Variants in PDE7B observed in about 807,000 individuals in gnomAD.
PDE7B encodes phosphodiesterase 7B.
Under a neutral mutation model 56.2 loss-of-function variants are expected in PDE7B, and 29 were observed. The ratio of observed to expected loss-of-function variants is 0.52; its 90% CI spans 0.38 to 0.70. The LOEUF (loss-of-function observed/expected upper bound fraction) is 0.70. PDE7B is among the 30% of genes least tolerant of loss of function. PDE7B has a pLI of 0.00. For missense variants in PDE7B, 490 were observed against 565.0 expected (o/e 0.87, Z 1.35); for synonymous variants, 197 against 196.9 (o/e 1.00, Z 0.00).
At chr6:136,057,816 G>A (rs1583856033) in intron 2 of PDE7B, among the ~76,000 whole-genome samples, 1 of 151,890 alleles carries the variant, frequency 6.6e-6, no homozygotes, top group South Asian at 2.1e-4. Flanking sequence ...AGCTCACGGC[G>A]ACCTCCACCT....
At chr6:135,947,968 C>G (rs1774621383) in intron 2 of PDE7B, among the ~76,000 whole-genome samples, 1 of 152,014 alleles carries the variant, frequency 6.6e-6, no homozygotes, top group African/African-American at 2.4e-5. Flanking sequence ...GAAGTCAGCA[C>G]AACTATTATC....
intron 2 of PDE7B, among the ~76,000 whole-genome samples, chr6:135,969,713 C>G (rs1260455413): frequency 6.6e-6 from 1 of 152,070 alleles, no homozygotes; most frequent in Non-Finnish European, 1.5e-5. Flanking sequence ...TAGGTACAGG[C>G]AAAGATTTCA....
At chr6:135,987,424 GGT>G (rs1392959509) in intron 2 of PDE7B, among the ~76,000 whole-genome samples, 4 of 152,042 alleles carry the variant, frequency 2.6e-5, no homozygotes, top group African/African-American at 9.7e-5. Context: ...CTGACTAGGG[GGT>G]TTCTCTCTAC....
chr6:135,924,964 C>T (rs578248446), intron 1 of PDE7B, among the ~76,000 whole-genome samples: 26 of 148,188 alleles, frequency 1.8e-4, no homozygotes, highest in African/African-American at 5.0e-4. Flanking sequence ...TTTATATCAA[C>T]GTCAGCACAC....
chr6:135,889,899 C>T (rs1055013524), intron 1 of PDE7B, among the ~76,000 whole-genome samples: 7 of 150,518 alleles, frequency 4.7e-5, no homozygotes, highest in Non-Finnish European at 1.0e-4. Context: ...ATTACAGGCA[C>T]CCACCACCAC....
At chr6:136,015,691 A>G (rs1394246906) in intron 2 of PDE7B, among the ~76,000 whole-genome samples, 1 of 152,128 alleles carries the variant, frequency 6.6e-6, no homozygotes, top group East Asian at 1.9e-4. Context: ...CAACCAGATA[A>G]ATATACATTC....
chr6:135,925,761 C>T (rs1774172716), intron 1 of PDE7B, among the ~76,000 whole-genome samples: 2 of 152,180 alleles, frequency 1.3e-5, no homozygotes, highest in African/African-American at 4.8e-5. Flanking sequence ...CTCTCCTATG[C>T]CACCCAAATA....
chr6:135,858,770 A>G (rs555046483), intron 1 of PDE7B, among the ~76,000 whole-genome samples: 19 of 152,316 alleles, frequency 1.2e-4, no homozygotes, highest in African/African-American at 3.8e-4. Flanking sequence ...AACATATTTT[A>G]CCATACATAT....
intron 2 of PDE7B, among the ~76,000 whole-genome samples, chr6:136,009,967 G>A (rs958136696): frequency 2.0e-5 from 3 of 152,174 alleles, no homozygotes; most frequent in East Asian, 1.9e-4. Context: ...CTCTGATTTC[G>A]ATTACTTGTC....
chr6:135,906,577 G>A (rs1776109142), intron 1 of PDE7B, among the ~76,000 whole-genome samples: 1 of 152,074 alleles, frequency 6.6e-6, no homozygotes, highest in Admixed American at 6.5e-5. Flanking sequence ...CCATATAAGA[G>A]GAAGACGCTA....
At chr6:136,098,883 G>A (rs370931849) in intron 2 of PDE7B, among the ~76,000 whole-genome samples, 6 of 151,816 alleles carry the variant, frequency 4.0e-5, no homozygotes, top group East Asian at 1.9e-4. Flanking sequence ...CCATTAACTC[G>A]TCATTTACAT....
intron 1 of PDE7B, among the ~76,000 whole-genome samples, chr6:135,871,753 TGTC>T (rs1030648306): frequency 2.0e-5 from 3 of 148,110 alleles, no homozygotes; most frequent in African/African-American, 7.6e-5. Context: ...CTTTCAATGT[TGTC>T]GTAAGGATAG....
rs1006749312 is a variant in PDE7B, at chr6:135,995,216, C to T, written c.82+47692C>T. Among the ~76,000 whole-genome samples, 9 of 151,386 alleles carry T rather than the reference C, an allele frequency of 5.9e-5. No individual in the cohort carries two copies. In the East Asian group the frequency reaches 9.7e-4, roughly 16 times the overall value. On this transcript the variant is annotated intron_variant, in intron 2 of 12. Coordinates refer to ENST00000308191, the MANE Select transcript of PDE7B (RefSeq NM_018945.4). ...AAACCTTAACCCTCCCCCGGCCCCA[C>T]GCTCCATACATATGTACCACCGCTA...
intron 3 of PDE7B, among the ~76,000 whole-genome samples, chr6:136,136,154 G>A (rs1322369831): frequency 2.0e-5 from 3 of 152,074 alleles, no homozygotes; most frequent in Non-Finnish European, 2.9e-5. Context: ...TGAAAGAGCT[G>A]TGCTGTAAAT....
chr6:136,085,394 C>T (rs757748018), intron 2 of PDE7B, among the ~76,000 whole-genome samples: 1 of 152,184 alleles, frequency 6.6e-6, no homozygotes, highest in African/African-American at 2.4e-5. Flanking sequence ...TGTGTCTTGA[C>T]TTTGCATCTT....
intron 1 of PDE7B, among the ~76,000 whole-genome samples, chr6:135,870,451 T>TGC (rs1460453957): frequency 6.6e-6 from 1 of 151,914 alleles, no homozygotes; most frequent in South Asian, 2.1e-4. Flanking sequence ...TGTGTGTGTG[T>TGC]GCACACAGGC....
intron 8 of PDE7B, among the ~76,000 whole-genome samples, chr6:136,170,691 G>A (rs1778864562): frequency 6.6e-6 from 1 of 152,074 alleles, no homozygotes; most frequent in Admixed American, 6.6e-5. Flanking sequence ...AAGATAGAGG[G>A]GGCTGTACCT....
intron 1 of PDE7B, among the ~76,000 whole-genome samples, chr6:135,906,815 T>TG (rs1184276965): frequency 2.1e-5 from 3 of 141,990 alleles, no homozygotes; most frequent in Non-Finnish European, 4.5e-5. Context: ...GGTTTGTTTT[T>TG]TTTTTTTTTT....
intron 1 of PDE7B, among the ~76,000 whole-genome samples, chr6:135,870,930 G>A (rs1775366835): frequency 6.6e-6 from 1 of 151,818 alleles, no homozygotes; most frequent in Non-Finnish European, 1.5e-5. Flanking sequence ...TCCACATCTG[G>A]TTTTCCCATA....
Sources: allele counts gnomAD v4.1 joint callset (sites outside exome capture counted in the v4.1 genomes callset), GRCh38; gene constraint gnomAD v4.1.1; transcripts MANE v1.5; gene names NCBI Gene and HGNC (gene_info 2026-07-23, HGNC 2026-07-21).